The following OTOGL variants were observed in gnomAD, a reference collection of about 807,000 sequenced individuals.
OTOGL encodes the protein otogelin-like protein.
In OTOGL, 285 loss-of-function variants were observed where a neutral mutation model predicts 318.5. That is an observed-to-expected ratio of 0.89 (90% CI 0.81 to 0.99). The LOEUF is 0.99. Ranked by LOEUF, OTOGL falls within the 50% of genes least tolerant of loss-of-function variation. OTOGL has a pLI of 0.00. For missense variants in OTOGL, 2,899 were observed against 2,845.6 expected (o/e 1.02, Z -0.43); for synonymous variants, 987 against 936.5 (o/e 1.05, Z -0.99).
At chr12:80,127,305 T>C (rs1870914406) in intron 1 of OTOGL, among the ~76,000 whole-genome samples, 1 of 152,156 alleles carries the variant, frequency 6.6e-6, no homozygotes, top group African/African-American at 2.4e-5. Flanking sequence ...TTATGAAGCT[T>C]AGTTTGGCTG....
intron 7 of OTOGL, among the ~76,000 whole-genome samples, chr12:80,225,028 C>T (rs1878700458): frequency 6.6e-6 from 1 of 151,704 alleles, no homozygotes; most frequent in African/African-American, 2.4e-5. Context: ...TGTATATACA[C>T]CTACTATGTA....
chr12:80,240,858 A>G (rs1417234904), intron 11 of OTOGL, among the ~76,000 whole-genome samples: 1 of 152,146 alleles, frequency 6.6e-6, no homozygotes, highest in African/African-American at 2.4e-5. Flanking sequence ...AGTTCATTGT[A>G]GAACCTACCA....
chr12:80,321,509 C>T (rs925196093), intron 34 of OTOGL, among the ~76,000 whole-genome samples: 1 of 151,862 alleles, frequency 6.6e-6, no homozygotes, highest in South Asian at 2.1e-4. Flanking sequence ...ACACCAACAT[C>T]GCACATGTAT....
At position 80,320,644 on chromosome 12, in the gene OTOGL, C is replaced by T. The variant is rs761520330; in HGVS notation, c.4025C>T (p.Ala1342Val). ...FIIFTDSSVK[A>V]SKYDDSEEFK... ...ATATTCACAGATTCTAGTGTCAAAGCATCAAAATATGATGATTCTGAAGAA... is the reference window on the plus strand; with the variant it reads ...ATATTCACAGATTCTAGTGTCAAAGTATCAAAATATGATGATTCTGAAGAA... Residue 1342 changes from alanine (A) to valine (V), a missense_variant, in exon 34 of 59, where the codon GCA (alanine) becomes GTA (valine). Coordinates refer to ENST00000547103, the MANE Select transcript of OTOGL (RefSeq NM_001378609.3). 15 of 1,608,920 alleles carry T rather than the reference C, an allele frequency of 9.3e-6. No individual in the cohort carries two copies.
intron 1 of OTOGL, among the ~76,000 whole-genome samples, chr12:80,111,844 G>GTTT (rs1291564013): frequency 6.6e-6 from 1 of 152,134 alleles, no homozygotes; most frequent in Non-Finnish European, 1.5e-5. Flanking sequence ...GGGCAGTATG[G>GTTT]CCATTTTCAC....
chr12:80,217,691 A>AT, intron 5 of OTOGL, 27 bp downstream of exon 5: 1 of 1,446,968 alleles, frequency 6.9e-7, no homozygotes, highest in Non-Finnish European at 9.4e-7. Context: ...AGGTTTTCAT[A>AT]TTTGCTTTCT....
intron 1 of OTOGL, among the ~76,000 whole-genome samples, chr12:80,171,987 C>T (rs7132225): frequency 0.16 from 24,643 of 152,046 alleles, 3,733 homozygotes; most frequent in African/African-American, 0.4. Flanking sequence ...CCAAGATAGA[C>T]ATATAATGCT....
At chr12:80,127,968 C>T (rs1870965134) in intron 1 of OTOGL, among the ~76,000 whole-genome samples, 1 of 152,162 alleles carries the variant, frequency 6.6e-6, no homozygotes, top group Non-Finnish European at 1.5e-5. Flanking sequence ...TTTTTGACTT[C>T]TTTGCCATGG....
At position 80,219,799 on chromosome 12, in the gene OTOGL, T is replaced by G; in HGVS notation, c.236-15T>G. On this transcript the variant is annotated splice_polypyrimidine_tract_variant and intron_variant, in intron 5 of 58. Coordinates refer to ENST00000547103, the MANE Select transcript of OTOGL (RefSeq NM_001378609.3). ...GGATGCCAGAAGATAACTTTTTTTTTTTTTTCCCCCTCAGGTTCTTGTCCT... is the reference window on the plus strand; with the variant it reads ...GGATGCCAGAAGATAACTTTTTTTTGTTTTTCCCCCTCAGGTTCTTGTCCT... 6.6e-7 allele frequency: 1 copy of G among 1,512,472 alleles called. No individual in the cohort carries two copies. The highest frequency in any genetic ancestry group is 9.0e-7 in the Non-Finnish European group (1 of 1,108,048). The allele number at this position is 1,512,472 out of a possible 1,614,324, so 93.7% of individuals were successfully genotyped here. A position where few individuals can be genotyped will look rare whatever the true frequency, so the allele number is the denominator to read the frequency against.
intron 35 of OTOGL, among the ~76,000 whole-genome samples, chr12:80,327,676 C>A (rs528938558): frequency 6.6e-6 from 1 of 151,240 alleles, no homozygotes; most frequent in Non-Finnish European, 1.5e-5. Context: ...GAGTGGAAAG[C>A]GGGCCGGGCA....
At chr12:80,270,423 C>G (rs901963798) in intron 23 of OTOGL, among the ~76,000 whole-genome samples, 1 of 152,142 alleles carries the variant, frequency 6.6e-6, no homozygotes, top group African/African-American at 2.4e-5. Context: ...TACCACAGGA[C>G]CACCTCAGGC....
chr12:80,358,642 A>T (rs1322808658), intron 50 of OTOGL, 29 bp from the exon 51 acceptor site: 2 of 1,516,122 alleles, frequency 1.3e-6, no homozygotes, highest in East Asian at 4.5e-5. Context: ...TATAAAATTC[A>T]TCTTTACCCA....
intron 1 of OTOGL, among the ~76,000 whole-genome samples, chr12:80,119,461 A>C (rs1236059178): frequency 6.6e-6 from 1 of 152,186 alleles, no homozygotes; most frequent in Non-Finnish European, 1.5e-5. Flanking sequence ...TCTATAATAG[A>C]GATTGTATAT....
At chr12:80,148,445 C>G (rs1033297102) in intron 1 of OTOGL, among the ~76,000 whole-genome samples, 3 of 149,458 alleles carry the variant, frequency 2.0e-5, no homozygotes, top group African/African-American at 7.4e-5. Context: ...ATGGGCTTCC[C>G]TTTGAGGGTA....
chr12:80,323,147 C>CACACAT (rs1387047504), intron 34 of OTOGL, among the ~76,000 whole-genome samples: 2 of 34,256 alleles, frequency 5.8e-5, no homozygotes, highest in African/African-American at 1.1e-4. Flanking sequence ...CACACACACA[C>CACACAT]ATATATAAAA....
At chr12:80,133,800 A>G (rs2137125299) in intron 1 of OTOGL, among the ~76,000 whole-genome samples, 1 of 152,188 alleles carries the variant, frequency 6.6e-6, no homozygotes, top group Non-Finnish European at 1.5e-5. Context: ...ACAAAAATAC[A>G]AAAAATTAGC....
rs757530648 is a variant in OTOGL at position 80,252,193 on chromosome 12, G to A, written c.1277G>A (p.Cys426Tyr). The change falls in exon 13 of 59, where the codon TGC becomes TAC. Residue 426 changes from cysteine (C) to tyrosine (Y), a missense_variant. Physicochemically the swap from Cys to Tyr is radical, Grantham distance 194. Coordinates refer to ENST00000547103, the MANE Select transcript of OTOGL (RefSeq NM_001378609.3). ...SNLHCLDGCY[C>Y]PDGLVMDNGT... is the part of the protein sequence containing the mutation. ...CTCCATTGTCTTGATGGATGTTACTGCCCAGATGGTAAGTGCTTCATGAAG... is the reference window on the plus strand; with the variant it reads ...CTCCATTGTCTTGATGGATGTTACTACCCAGATGGTAAGTGCTTCATGAAG... The A allele has an allele frequency of 1.2e-5, 19 of 1,598,420 alleles. No homozygotes were observed. Among genetic ancestry groups the A allele is most frequent in the Non-Finnish European group, 1.6e-5 (19 of 1,171,652 alleles).
At chr12:80,204,867 T>C (rs901777763) in intron 1 of OTOGL, among the ~76,000 whole-genome samples, 18 of 152,168 alleles carry the variant, frequency 1.2e-4, no homozygotes, top group African/African-American at 3.6e-4. Context: ...TGAAGCTTCC[T>C]GGAGCACTTG....
At chr12:80,131,468 C>T (rs966815636) in intron 1 of OTOGL, among the ~76,000 whole-genome samples, 3 of 152,122 alleles carry the variant, frequency 2.0e-5, no homozygotes, top group Admixed American at 2.0e-4. Context: ...TTGCACACAG[C>T]CTGTACAAAA....
Sources: gnomAD v4.1 joint callset for allele counts (sites outside exome capture counted in the v4.1 genomes callset) on GRCh38, gnomAD v4.1.1 for gene constraint, MANE v1.5 for transcripts, NCBI Gene and HGNC (gene_info 2026-07-23, HGNC 2026-07-21) for gene names.